FMR1: variants seen among roughly 807,000 people sequenced by gnomAD.
FMR1 encodes FMRP translational regulator 1.
Under a neutral mutation model 50.6 loss-of-function variants are expected in FMR1, and 13 were observed. That is an observed-to-expected ratio of 0.26 (90% CI 0.17 to 0.41). FMR1 has a LOEUF of 0.41. Ranked by LOEUF, FMR1 falls within the 10% of genes least tolerant of loss-of-function variation. FMR1 has a pLI of 1.00. For synonymous variants in FMR1, 138 were observed against 164.1 expected (o/e 0.84, Z 1.22); for missense variants, 316 against 491.3 (o/e 0.64, Z 3.37).
At chrX:147,912,667 G>C (rs2042648599) in intron 1 of FMR1, 1 of 299,564 alleles carries the variant, frequency 3.3e-6, no homozygotes, top group Non-Finnish European at 5.8e-6. Context: ...CTTCAGCCGG[G>C]CCGCCTCCTG....
intron 2 of FMR1, 120 bp downstream of exon 2, chrX:147,922,105 G>A (rs1332730361): frequency 1.0e-5 from 5 of 481,399 alleles, no homozygotes; most frequent in African/African-American, 7.3e-5. Flanking sequence ...GGATCTTCAT[G>A]TTACTGACTG....
intron 2 of FMR1, among the ~76,000 whole-genome samples, chrX:147,922,730 T>C (rs2043225527): frequency 9.0e-6 from 1 of 111,633 alleles, no homozygotes; most frequent in African/African-American, 3.3e-5. Flanking sequence ...GATGGATGGT[T>C]AACAGTTATC....
intron 2 of FMR1, among the ~76,000 whole-genome samples, chrX:147,923,599 T>C: frequency 8.9e-6 from 1 of 112,093 alleles, no homozygotes; most frequent in East Asian, 2.8e-4. Flanking sequence ...ATTTATTAGA[T>C]CACTTCTTTT....
intron 7 of FMR1, among the ~76,000 whole-genome samples, chrX:147,931,218 TGTGA>T (rs782013282): frequency 1.4e-4 from 16 of 111,916 alleles, no homozygotes; most frequent in Admixed American, 1.1e-3. Flanking sequence ...TTACTTTGAT[TGTGA>T]GTATTATGAA....
In FMR1 at chrX:147,932,774, A is replaced by G; in HGVS notation, c.880+11A>G. 1 of 1,116,953 alleles carries G rather than the reference A, an allele frequency of 9.0e-7. No individual in the cohort carries two copies. The allele number at this position is 1,116,953 out of a possible 1,213,427, so 92.0% of individuals were successfully genotyped here. A position where few individuals can be genotyped will look rare whatever the true frequency, so the allele number is the denominator to read the frequency against. Reference sequence around the variant, plus strand: ...CAAGGAACTTAGTAGGTAAGTCAGAAGTATCTGTTGACATATAGTACAACA... The same window carrying G: ...CAAGGAACTTAGTAGGTAAGTCAGAGGTATCTGTTGACATATAGTACAACA... On this transcript the variant is annotated intron_variant, in intron 9 of 16. Transcript: ENST00000370475.
At chrX:147,934,053 C>T (rs1603005866) in intron 9 of FMR1, among the ~76,000 whole-genome samples, 1 of 112,046 alleles carries the variant, frequency 8.9e-6, no homozygotes, top group Admixed American at 9.5e-5. Context: ...GTATGCATAG[C>T]GCAAGATAAA....
At chrX:147,941,768 G>T (rs2044015223) in intron 13 of FMR1, among the ~76,000 whole-genome samples, 1 of 111,955 alleles carries the variant, frequency 8.9e-6, no homozygotes, top group Non-Finnish European at 1.9e-5. Context: ...AGTTAGGATT[G>T]CATTGTATCA....
rs1222070712 is a variant in FMR1 at position 147,911,935 on chromosome X, G to T, written c.-245G>T. On this transcript the variant is annotated 5_prime_UTR_variant, in exon 1 of 17. Coordinates refer to ENST00000370475, the MANE Select transcript of FMR1 (RefSeq NM_002024.6). ...GGGTTCGGCCTCAGTCAGGCGCTCA[G>T]CTCCGTTTCGGTTTCACTTCCGGTG... is the stretch of plus-strand genomic sequence containing the variant. The T allele has an allele frequency of 9.0e-6, 1 of 111,189 alleles. No individual in the cohort carries two copies. The highest frequency in any genetic ancestry group is 1.9e-5 in the Non-Finnish European group (1 of 52,532). 9.2% of individuals were successfully genotyped at this position (111,189 alleles called of 1,213,427 possible). A position where few individuals can be genotyped will look rare whatever the true frequency, so the allele number is the denominator to read the frequency against.
At chrX:147,935,685 AAAAT>A (rs2043767292) in intron 9 of FMR1, among the ~76,000 whole-genome samples, 1 of 112,502 alleles carries the variant, frequency 8.9e-6, no homozygotes, top group Admixed American at 9.4e-5. Flanking sequence ...ATATGATTGT[AAAAT>A]AAATAAGGAA....
Position 147,948,965 on chromosome X carries a change from C to A in FMR1, c.*121C>A. On this transcript the variant is annotated 3_prime_UTR_variant, in exon 17 of 17. Coordinates refer to ENST00000370475, the MANE Select transcript of FMR1 (RefSeq NM_002024.6). ...GATGGCACAGGGCATGAAATGAACACAAATTATGCTAAGAATTTTTTATTT... is the reference window on the plus strand; with the variant it reads ...GATGGCACAGGGCATGAAATGAACAAAAATTATGCTAAGAATTTTTTATTT... 1.4e-6 allele frequency: 1 copy of A among 730,073 alleles called. No homozygotes were observed. Among genetic ancestry groups the A allele is most frequent in the Non-Finnish European group, 2.1e-6 (1 of 471,938 alleles). 60.2% of individuals were successfully genotyped at this position (730,073 alleles called of 1,213,427 possible).
At chrX:147,912,868 C>T in intron 1 of FMR1, 1 of 294,164 alleles carries the variant, frequency 3.4e-6, no homozygotes, top group Non-Finnish European at 5.9e-6. Context: ...GATTTTAGAT[C>T]CAAAAGTTTC....
At chrX:147,921,888 C>CTA (rs781953523) in intron 1 of FMR1, 45 bp from the exon 2 acceptor site, 2 of 899,312 alleles carry the variant, frequency 2.2e-6, no homozygotes, top group South Asian at 4.1e-5. Context: ...AAAACAAAAA[C>CTA]TATCTTTAAG....
rs1557173927 is a variant in FMR1, at chrX:147,912,113, G to GCGGC, written c.-67_-66insCGGC. ...GGCGGCGGCGGCGGCGGCGGCGGCT[G>GCGGC]GGCCTCGAGCGCCCGCAGCCCACCT... On this transcript the variant is annotated 5_prime_UTR_variant, in exon 1 of 17. Coordinates refer to ENST00000370475, the MANE Select transcript of FMR1 (RefSeq NM_002024.6). 16 of 790,506 alleles carry GCGGC rather than the reference G, an allele frequency of 2.0e-5. No individual in the cohort carries two copies. Among genetic ancestry groups the GCGGC allele is most frequent in the South Asian group, 4.8e-5 (1 of 20,777 alleles). 65.1% of individuals were successfully genotyped at this position (790,506 alleles called of 1,213,427 possible).
Position 147,948,733 on chromosome X carries a change from G to A in FMR1, c.1788G>A (p.Gln596=). 8.3e-7 allele frequency: 1 copy of A among 1,211,565 alleles called. No homozygotes were observed. Among genetic ancestry groups the A allele is most frequent in the Non-Finnish European group, 1.1e-6 (1 of 895,327 alleles). Residue 596 remains glutamine, a synonymous_variant, in exon 17 of 17, where the codon CAG becomes CAA. Coordinates refer to ENST00000370475, the MANE Select transcript of FMR1 (RefSeq NM_002024.6). ...GGAGTGTCCACACTAAAACATTACA[G>A]AATACCTCCAGTGAAGGTAGTCGGC... is the stretch of plus-strand genomic sequence containing the variant. ...NERSVHTKTL[Q]NTSSEGSRLR...
intron 1 of FMR1, among the ~76,000 whole-genome samples, chrX:147,920,306 G>T (rs1602949288): frequency 9.0e-6 from 1 of 111,648 alleles, no homozygotes; most frequent in East Asian, 2.8e-4. Context: ...TGGCTTCTTT[G>T]TTGACAAAGG....
chrX:147,928,923 G>T lies in FMR1; in HGVS notation c.419+116G>T, dbSNP rs1658092293. Reference sequence around the variant, plus strand: ...CTAGAAATTGATTTTAAATTTGGTGGACTTTGGCAAAAATGGTTTGGTTTG... The same window carrying T: ...CTAGAAATTGATTTTAAATTTGGTGTACTTTGGCAAAAATGGTTTGGTTTG... On this transcript the variant is annotated intron_variant, in intron 5 of 16. Coordinates refer to ENST00000370475, the MANE Select transcript of FMR1 (RefSeq NM_002024.6). 3 of 799,596 alleles carry T rather than the reference G, an allele frequency of 3.8e-6. No homozygotes were observed. The South Asian group carries it at 7.2e-5, about 19-fold the overall frequency. 65.9% of individuals were successfully genotyped at this position (799,596 alleles called of 1,213,427 possible). A position where few individuals can be genotyped will look rare whatever the true frequency, so the allele number is the denominator to read the frequency against.
intron 1 of FMR1, among the ~76,000 whole-genome samples, chrX:147,918,284 G>A (rs963146356): frequency 3.6e-5 from 4 of 111,679 alleles, no homozygotes; most frequent in Non-Finnish European, 5.6e-5. Context: ...TTCACAGGAG[G>A]TATTTGTCCT....
At chrX:147,920,171 A>T (rs782694000) in intron 1 of FMR1, among the ~76,000 whole-genome samples, 46 of 112,095 alleles carry the variant, frequency 4.1e-4, no homozygotes, top group Non-Finnish European at 6.0e-4. Context: ...TTTGATGCAT[A>T]TTCATTGATT....
Position 147,949,100 on chromosome X carries a change from A to G in FMR1, c.*256A>G, listed in dbSNP as rs782214283. The G allele has an allele frequency of 5.3e-5, 24 of 456,081 alleles. No homozygotes were observed. The highest frequency in any genetic ancestry group is 9.1e-5 in the Non-Finnish European group (23 of 252,141). 37.6% of individuals were successfully genotyped at this position (456,081 alleles called of 1,213,427 possible). On this transcript the variant is annotated 3_prime_UTR_variant, in exon 17 of 17. Transcript: ENST00000370475. ...GCACTTCAGGGCAGATTTTAGTTTTATTTTCTAAAGTACTGAGCAGTGATA... is the reference window on the plus strand; with the variant it reads ...GCACTTCAGGGCAGATTTTAGTTTTGTTTTCTAAAGTACTGAGCAGTGATA...
Sources: allele counts gnomAD v4.1 joint callset (sites outside exome capture counted in the v4.1 genomes callset), GRCh38; gene constraint gnomAD v4.1.1; transcripts MANE v1.5; gene names NCBI Gene and HGNC (gene_info 2026-07-23, HGNC 2026-07-21).